CYP39A1: variants seen among roughly 807,000 people sequenced by gnomAD.
CYP39A1 encodes the protein 24-hydroxycholesterol 7-alpha-hydroxylase.
CYP39A1 carries 49 observed loss-of-function variants against 58.1 expected under a neutral mutation model. That is an observed-to-expected ratio of 0.84 (90% CI 0.67 to 1.07). The LOEUF is 1.07. CYP39A1 is among the 50% of genes least tolerant of loss of function. The pLI is 0.00. For missense variants in CYP39A1, 531 were observed against 539.4 expected, an observed-to-expected ratio of 0.98 and a Z score of 0.16; for synonymous variants, 209 against 187.6, an observed-to-expected ratio of 1.11 and a Z score of -0.93.
chr6:46,576,901 A>G (rs1162954539), intron 10 of CYP39A1, among the ~76,000 whole-genome samples: 1 of 152,244 alleles, frequency 6.6e-6, no homozygotes, highest in Non-Finnish European at 1.5e-5. Context: ...GAGAGAGAAC[A>G]AGCAACTTGG....
intron 7 of CYP39A1, among the ~76,000 whole-genome samples, chr6:46,611,955 G>T (rs1774243843): frequency 6.6e-6 from 1 of 152,134 alleles, no homozygotes; most frequent in Admixed American, 6.6e-5. Flanking sequence ...CCAACAGAAT[G>T]CTCTGAAGAA....
intron 10 of CYP39A1, among the ~76,000 whole-genome samples, chr6:46,570,175 G>T (rs574121655): frequency 1.6e-3 from 247 of 152,136 alleles, no homozygotes; most frequent in African/African-American, 5.7e-3. Flanking sequence ...ATGATCCTAT[G>T]TGTTATCTGT....
In CYP39A1 at chr6:46,642,408, A is replaced by T. The variant is rs528102279; in HGVS notation, c.178-110T>A. 2.4e-5 allele frequency: 25 copies of T among 1,051,638 alleles called. No individual in the cohort carries two copies. In the South Asian group the frequency reaches 4.4e-4, roughly 18 times the overall value. 65.1% of individuals were successfully genotyped at this position (1,051,638 alleles called of 1,614,324 possible). Reference sequence around the variant, plus strand: ...AGTTATAGTCAAAAGAAAAATTATTATGATTATATTTGGCAATTAGTTATA... The same window carrying T: ...AGTTATAGTCAAAAGAAAAATTATTTTGATTATATTTGGCAATTAGTTATA... On this transcript the variant is annotated intron_variant, in intron 1 of 11. Transcript: ENST00000275016.
chr6:46,649,541 T>G (rs1269793803), intron 1 of CYP39A1, among the ~76,000 whole-genome samples: 1 of 152,220 alleles, frequency 6.6e-6, no homozygotes, highest in African/African-American at 2.4e-5. Context: ...TTCAAAGAAT[T>G]AGGAGTTCTA....
rs3823237 is a variant in CYP39A1 at position 46,611,399 on chromosome 6, A to G, written c.931+14019T>C. On this transcript the variant is annotated intron_variant, in intron 7 of 11. Transcript: ENST00000275016. Reference sequence around the variant, plus strand: ...GACTGACTGCAACGTTTCTGAGAACAGGTTATTACATCCAATGGAAGATAA... The same window carrying G: ...GACTGACTGCAACGTTTCTGAGAACGGGTTATTACATCCAATGGAAGATAA... 7.9e-5 allele frequency among the ~76,000 whole-genome samples: 12 copies of G among 152,366 alleles called. No homozygotes were observed. In the East Asian group the frequency reaches 2.1e-3, roughly 27 times the overall value.
chr6:46,567,206 A>G (rs1771339678), intron 10 of CYP39A1, among the ~76,000 whole-genome samples: 1 of 152,148 alleles, frequency 6.6e-6, no homozygotes, highest in African/African-American at 2.4e-5. Context: ...TTTTTAGATT[A>G]CACATATAGA....
intron 10 of CYP39A1, chr6:46,586,262 AACT>A (rs2150509428): frequency 1.0e-6 from 1 of 983,454 alleles, no homozygotes; most frequent in South Asian, 4.7e-5. Context: ...GACTTCAAGA[AACT>A]ACAATTTTTT....
intron 6 of CYP39A1, among the ~76,000 whole-genome samples, chr6:46,627,422 A>AT (rs10568938): frequency 3.8e-4 from 49 of 129,760 alleles, no homozygotes; most frequent in Middle Eastern, 4.2e-3. Flanking sequence ...TTATTTATTT[A>AT]TTTTTTTTTT....
At chr6:46,647,087 T>G (rs1458218599) in intron 1 of CYP39A1, among the ~76,000 whole-genome samples, 1 of 152,092 alleles carries the variant, frequency 6.6e-6, no homozygotes, top group African/African-American at 2.4e-5. Flanking sequence ...TTGGGCTTAT[T>G]TTACTCTGTT....
chr6:46,622,552 G>A (rs967389006), intron 7 of CYP39A1, among the ~76,000 whole-genome samples: 1 of 152,068 alleles, frequency 6.6e-6, no homozygotes, highest in African/African-American at 2.4e-5. Flanking sequence ...GCTCGAGGCT[G>A]TAGTGAGCTA....
chr6:46,637,855 C>G lies in CYP39A1; in HGVS notation c.612G>C (p.Gly204=). The G allele has an allele frequency of 6.2e-7, 1 of 1,612,356 alleles. No homozygotes were observed. The highest frequency in any genetic ancestry group is 8.5e-7 in the Non-Finnish European group (1 of 1,179,644). ...TTAGAAGACACTCTGGCAACTGGGA[C>G]CCATACTCAAAATCTTCATCATAAA... ...FQVYDEDFEY[G]SQLPECLLRN... Residue 204 remains glycine (G), a synonymous_variant, in exon 4 of 12, where the codon GGG becomes GGC. Transcript: ENST00000275016.
intron 1 of CYP39A1, among the ~76,000 whole-genome samples, chr6:46,642,900 T>G (rs1436295566): frequency 6.6e-6 from 1 of 152,198 alleles, no homozygotes; most frequent in Admixed American, 6.5e-5. Flanking sequence ...TACTAAATCC[T>G]GCAAGGTATA....
intron 10 of CYP39A1, among the ~76,000 whole-genome samples, chr6:46,581,407 A>G (rs2150503542): frequency 1.6e-5 from 1 of 61,644 alleles, no homozygotes; most frequent in African/African-American, 2.2e-4. Flanking sequence ...CTGTCTCAGA[A>G]AAAAAAAAAA....
At chr6:46,588,537 G>T (rs1057205110) in intron 8 of CYP39A1, among the ~76,000 whole-genome samples, 1 of 152,096 alleles carries the variant, frequency 6.6e-6, no homozygotes, top group Non-Finnish European at 1.5e-5. Context: ...AGAAACTACA[G>T]TGGAGGCTCA....
rs367960664 is a variant in CYP39A1, at chr6:46,586,734, G to A, written c.1250+343C>T. ...CAAATATCCATGACAATGTCATAGT[G>A]AAAGAAATATAATTCTATCTTTGTT... On this transcript the variant is annotated intron_variant, in intron 10 of 11. Transcript: ENST00000275016. 2.9e-4 allele frequency among the ~76,000 whole-genome samples: 44 copies of A among 152,202 alleles called. No individual in the cohort carries two copies. In the East Asian group the frequency reaches 6.6e-3, roughly 23 times the overall value.
chr6:46,627,487 C>A (rs949392724), intron 6 of CYP39A1, among the ~76,000 whole-genome samples: 2 of 151,542 alleles, frequency 1.3e-5, no homozygotes, highest in African/African-American at 2.4e-5. Flanking sequence ...GGCGCAATCT[C>A]GGCTCACTGC....
At position 46,642,250 on chromosome 6, in the gene CYP39A1, C is replaced by G; in HGVS notation, c.226G>C (p.Val76Leu). 1.2e-6 allele frequency: 2 copies of G among 1,612,892 alleles called. No individual in the cohort carries two copies. The highest frequency in any genetic ancestry group is 1.7e-5 in the Admixed American group (1 of 59,918). ...VFAMGNRMTF[V>L]TEEEGINVFL... ...ACATTAATTCCTTCTTCTTCAGTAA[C>G]AAAGGTCATTCGGTTTCCCATAGCA... The change falls in exon 2 of 12, where the codon GTT (valine) becomes CTT (leucine). Residue 76 changes from valine to leucine, a missense_variant. Transcript: ENST00000275016.
Position 46,578,047 on chromosome 6 carries a change from AAT to A in CYP39A1, c.1250+9028_1250+9029del, listed in dbSNP as rs536632198. On this transcript the variant is annotated intron_variant, in intron 10 of 11. Transcript: ENST00000275016. ...TGGGTCATAAAAGCAATACTCAACA[AAT>A]TCAAAAAACCAAAACCATACCAACC... Among the ~76,000 whole-genome samples, 5 of 152,220 alleles carry A rather than the reference AAT, an allele frequency of 3.3e-5. No individual in the cohort carries two copies. The South Asian group carries it at 1.0e-3, about 32-fold the overall frequency.
chr6:46,590,693 T>C (rs1772776405), intron 8 of CYP39A1, among the ~76,000 whole-genome samples: 1 of 152,206 alleles, frequency 6.6e-6, no homozygotes, highest in Non-Finnish European at 1.5e-5. Flanking sequence ...AAGACAGTCA[T>C]TAACTAGCTA....
Sources: gnomAD v4.1 joint callset for allele counts (sites outside exome capture counted in the v4.1 genomes callset) on GRCh38, gnomAD v4.1.1 for gene constraint, MANE v1.5 for transcripts, NCBI Gene and HGNC (gene_info 2026-07-23, HGNC 2026-07-21) for gene names.